Variants in SMIM14 observed in about 807,000 individuals in gnomAD.
The protein encoded by SMIM14 is chromosome 4 open reading frame 34.
SMIM14 carries 5 observed loss-of-function variants against 12.6 expected under a neutral mutation model. That is an observed-to-expected ratio of 0.40 (90% CI 0.21 to 0.83). The LOEUF is 0.83. SMIM14 is among the 40% of genes least tolerant of loss of function. The pLI is 0.37. For missense variants in SMIM14, 86 were observed against 119.1 expected (o/e 0.72, Z 1.29); for synonymous variants, 30 against 40.1 (o/e 0.75, Z 0.95).
At chr4:39,616,463 CT>C (rs1456644740) in intron 1 of SMIM14, among the ~76,000 whole-genome samples, 1 of 152,002 alleles carries the variant, frequency 6.6e-6, no homozygotes, top group Non-Finnish European at 1.5e-5. Flanking sequence ...GTTTCTGACT[CT>C]TGCTTCTCAG....
At chr4:39,554,111 G>T (rs1381611453) in intron 4 of SMIM14, among the ~76,000 whole-genome samples, 1 of 152,114 alleles carries the variant, frequency 6.6e-6, no homozygotes, top group East Asian at 1.9e-4. Context: ...CTGGAGAAAA[G>T]AAACAATTAT....
In SMIM14 at chr4:39,547,312, C is replaced by CTAT. The variant is rs1457393059; in HGVS notation, c.*4811_*4813dup. 2.0e-5 allele frequency: 3 copies of CTAT among 152,172 alleles called. No individual in the cohort carries two copies. Among genetic ancestry groups the CTAT allele is most frequent in the Non-Finnish European group, 4.4e-5 (3 of 68,036 alleles). 9.4% of individuals were successfully genotyped at this position (152,172 alleles called of 1,614,324 possible). ...AAACACAAAGTGTTACTAACGTTTT[C>CTAT]TATTTATTCATTAATAAAAAGTGCA... On this transcript the variant is annotated 3_prime_UTR_variant, in exon 5 of 5. Transcript: ENST00000295958.
Position 39,548,260 on chromosome 4 carries a change from G to GCAAAACAAAACAAAA in SMIM14, c.*3851_*3865dup, listed in dbSNP as rs367915921. 5.9e-5 allele frequency: 9 copies of GCAAAACAAAACAAAA among 151,868 alleles called. No homozygotes were observed. The highest frequency in any genetic ancestry group is 1.2e-4 in the African/African-American group (5 of 41,286). 9.4% of individuals were successfully genotyped at this position (151,868 alleles called of 1,614,324 possible). ...AATGTTAACTTTTCCCACATGGAAA[G>GCAAAACAAAACAAAA]CAAAACAAAACAAAACAAAACAAAC... On this transcript the variant is annotated 3_prime_UTR_variant, in exon 5 of 5. Coordinates refer to ENST00000295958, the MANE Select transcript of SMIM14 (RefSeq NM_174921.3).
chr4:39,563,154 G>A (rs966622384), intron 3 of SMIM14, among the ~76,000 whole-genome samples: 5 of 151,984 alleles, frequency 3.3e-5, no homozygotes, highest in East Asian at 3.9e-4. Context: ...TCTGCCTCCC[G>A]GGTTCAAGTG....
intron 2 of SMIM14, chr4:39,593,174 A>G (rs1375891037): frequency 6.6e-6 from 1 of 152,106 alleles, no homozygotes; most frequent in Non-Finnish European, 1.5e-5. Context: ...GGCAAACCAA[A>G]TCCAGCAGCA....
intron 2 of SMIM14, among the ~76,000 whole-genome samples, chr4:39,596,476 G>A (rs1302521648): frequency 6.6e-6 from 1 of 152,102 alleles, no homozygotes; most frequent in Non-Finnish European, 1.5e-5. Flanking sequence ...AAAACTAAAT[G>A]GTCAGGACTG....
chr4:39,554,184 T>G (rs1041585221), intron 4 of SMIM14, among the ~76,000 whole-genome samples: 1 of 152,116 alleles, frequency 6.6e-6, no homozygotes, highest in Admixed American at 6.5e-5. Flanking sequence ...GGTATACAAG[T>G]GAATCTGGCC....
intron 2 of SMIM14, among the ~76,000 whole-genome samples, chr4:39,581,025 T>C (rs1007172017): frequency 2.0e-5 from 3 of 152,158 alleles, no homozygotes; most frequent in Admixed American, 2.0e-4. Flanking sequence ...CGTGCTTAAT[T>C]AAGAAAGTGT....
chr4:39,577,049 AT>A lies in SMIM14; in HGVS notation c.76-4587del, dbSNP rs535088569. Reference sequence around the variant, plus strand: ...ATTTTTAACACTGTGGAATAGGAATATTTTTTCCATTATATAATATTTGATA... The same window carrying A: ...ATTTTTAACACTGTGGAATAGGAATATTTTTCCATTATATAATATTTGATA... On this transcript the variant is annotated intron_variant, in intron 2 of 4. Coordinates refer to ENST00000295958, the MANE Select transcript of SMIM14 (RefSeq NM_174921.3). 7.1e-4 allele frequency among the ~76,000 whole-genome samples: 108 copies of A among 151,658 alleles called. 1 individual carries two copies. Among genetic ancestry groups the A allele is most frequent in the African/African-American group, 2.5e-3 (105 of 41,396 alleles).
intron 2 of SMIM14, among the ~76,000 whole-genome samples, chr4:39,573,716 A>G (rs1464519001): frequency 6.6e-6 from 1 of 152,170 alleles, no homozygotes; most frequent in Non-Finnish European, 1.5e-5. Flanking sequence ...AAAAAACCAG[A>G]TTCTATTTGT....
chr4:39,554,625 A>G (rs2109979944), intron 4 of SMIM14, among the ~76,000 whole-genome samples: 1 of 149,564 alleles, frequency 6.7e-6, no homozygotes, highest in East Asian at 1.9e-4. Context: ...AAAACAACAA[A>G]AACAAGCAAA....
At chr4:39,601,745 G>A (rs976722234) in intron 2 of SMIM14, among the ~76,000 whole-genome samples, 2 of 151,842 alleles carry the variant, frequency 1.3e-5, no homozygotes, top group Admixed American at 1.3e-4. Context: ...CCAGGAGTTC[G>A]AGACCACCCT....
At chr4:39,556,753 T>G (rs1261289160) in intron 3 of SMIM14, among the ~76,000 whole-genome samples, 183 bp from the exon 4 acceptor site, 1 of 152,236 alleles carries the variant, frequency 6.6e-6, no homozygotes, top group East Asian at 1.9e-4. Context: ...AAGTAAATGA[T>G]GTTAAATAGT....
Position 39,601,941 on chromosome 4 carries a change from C to T in SMIM14, c.75+3130G>A, listed in dbSNP as rs1048537894. Reference sequence around the variant, plus strand: ...CAGCCTGGGGGAAAAGAATAAGACCCTATCTTAAAAAAAAAAAACAAAAAA... The same window carrying T: ...CAGCCTGGGGGAAAAGAATAAGACCTTATCTTAAAAAAAAAAAACAAAAAA... On this transcript the variant is annotated intron_variant, in intron 2 of 4. Transcript: ENST00000295958. Among the ~76,000 whole-genome samples, 49 of 137,982 alleles carry T rather than the reference C, an allele frequency of 3.6e-4. No individual in the cohort carries two copies. The East Asian group carries it at 8.9e-3, about 25-fold the overall frequency. 90.5% of individuals were successfully genotyped at this position (137,982 alleles called of 152,430 possible).
At chr4:39,596,543 C>A (rs1714372005) in intron 2 of SMIM14, among the ~76,000 whole-genome samples, 1 of 152,230 alleles carries the variant, frequency 6.6e-6, no homozygotes, top group Admixed American at 6.5e-5. Flanking sequence ...TAACTTACTT[C>A]AGTTTCCTTA....
Position 39,613,132 on chromosome 4 carries a change from C to T in SMIM14, c.-35-7952G>A, listed in dbSNP as rs143784133. 1.2e-3 allele frequency among the ~76,000 whole-genome samples: 178 copies of T among 152,280 alleles called. 2 individuals are homozygous for T. In the East Asian group the frequency reaches 0.033, roughly 28 times the overall value. ...ACCACCACCCCTAAAAAAAACAGAG[C>T]TTCTGGAGGGCAGAAATCTTAGTCA... On this transcript the variant is annotated intron_variant, in intron 1 of 4. Transcript: ENST00000295958.
intron 1 of SMIM14, chr4:39,611,994 A>G (rs1194559462): frequency 2.0e-5 from 3 of 151,476 alleles, no homozygotes; most frequent in Non-Finnish European, 4.4e-5. Context: ...GGGAGGTGAG[A>G]ATTGGAAAGG....
chr4:39,589,297 G>A (rs1022828056), intron 2 of SMIM14, among the ~76,000 whole-genome samples: 1 of 152,106 alleles, frequency 6.6e-6, no homozygotes. Context: ...ATGTTGACCA[G>A]GTTAGTTTCA....
rs1045590690 is a variant in SMIM14, at chr4:39,547,087, T to G, written c.*5039A>C. Reference sequence around the variant, plus strand: ...AAAGAAATGTGACTGCAATCTAATTTCCAAGAGAGAAACTCTACTTCTGAA... The same window carrying G: ...AAAGAAATGTGACTGCAATCTAATTGCCAAGAGAGAAACTCTACTTCTGAA... On this transcript the variant is annotated 3_prime_UTR_variant, in exon 5 of 5. Transcript: ENST00000295958. The G allele has an allele frequency of 8.5e-5, 13 of 152,166 alleles. No homozygotes were observed. Among genetic ancestry groups the G allele is most frequent in the African/African-American group, 3.1e-4 (13 of 41,458 alleles). The allele number at this position is 152,166 out of a possible 1,614,324, so 9.4% of individuals were successfully genotyped here.
Sources: gnomAD v4.1 joint callset for allele counts (sites outside exome capture counted in the v4.1 genomes callset) on GRCh38, gnomAD v4.1.1 for gene constraint, MANE v1.5 for transcripts, NCBI Gene and HGNC (gene_info 2026-07-23, HGNC 2026-07-21) for gene names.